KCNQ3: variants seen among roughly 807,000 people sequenced by gnomAD.
KCNQ3 encodes the protein potassium voltage-gated channel subfamily Q member 3.
KCNQ3 carries 30 observed loss-of-function variants against 92.5 expected under a neutral mutation model. The observed-to-expected ratio is 0.32, with a 90% CI of 0.24 to 0.44. KCNQ3 has a LOEUF of 0.44. Among genes scored for constraint, KCNQ3 ranks in the 20% least tolerant of loss-of-function variants. KCNQ3 has a pLI of 1.00. For missense variants in KCNQ3, 913 were observed against 1,140.3 expected, an observed-to-expected ratio of 0.80 and a Z score of 2.87; for synonymous variants, 450 against 468.8, an observed-to-expected ratio of 0.96 and a Z score of 0.52.
intron 8 of KCNQ3, among the ~76,000 whole-genome samples, chr8:132,169,900 C>A (rs1386050966): frequency 1.3e-5 from 2 of 151,926 alleles, no homozygotes; most frequent in Non-Finnish European, 2.9e-5. Flanking sequence ...AAGGGTCTCA[C>A]GCTCACTGTG....
At position 132,125,627 on chromosome 8, in the gene KCNQ3, C is replaced by T. The variant is rs1266853842; in HGVS notation, c.*3635G>A. ...TGATTTTGCCAAATTATGAGTAGGT[C>T]CTATTAGATTAGGTTTTTCTACAGG... On this transcript the variant is annotated 3_prime_UTR_variant, in exon 15 of 15. Transcript: ENST00000388996. 1.3e-5 allele frequency: 2 copies of T among 152,138 alleles called. No homozygotes were observed. Among genetic ancestry groups the T allele is most frequent in the Non-Finnish European group, 2.9e-5 (2 of 68,018 alleles). 9.4% of individuals were successfully genotyped at this position (152,138 alleles called of 1,614,324 possible).
chr8:132,211,952 C>CAA (rs200457183), intron 1 of KCNQ3, among the ~76,000 whole-genome samples: 1,801 of 62,482 alleles, frequency 0.029, 66 homozygotes, highest in African/African-American at 0.075. Context: ...GACTCCATCT[C>CAA]AAAAAAAAAA....
At chr8:132,291,696 A>C (rs1049729517) in intron 1 of KCNQ3, among the ~76,000 whole-genome samples, 2 of 152,210 alleles carry the variant, frequency 1.3e-5, no homozygotes, top group Admixed American at 1.3e-4. Flanking sequence ...ACACATAACC[A>C]GATGCAGAGA....
At chr8:132,183,290 A>G (rs1478396747) in intron 3 of KCNQ3, among the ~76,000 whole-genome samples, 2 of 152,150 alleles carry the variant, frequency 1.3e-5, no homozygotes, top group Admixed American at 6.5e-5. Context: ...GGGGAATAAC[A>G]TGTCTAGACT....
intron 1 of KCNQ3, among the ~76,000 whole-genome samples, chr8:132,253,538 T>C (rs1038487670): frequency 3.3e-5 from 5 of 152,224 alleles, no homozygotes; most frequent in African/African-American, 7.2e-5. Context: ...CTTAAGGCTA[T>C]GTGACTCCAG....
Position 132,132,254 on chromosome 8 carries a change from A to C in KCNQ3, c.1810T>G (p.Tyr604Asp), listed in dbSNP as rs1060500606. 1 of 1,612,136 alleles carries C rather than the reference A, an allele frequency of 6.2e-7. No homozygotes were observed. Among genetic ancestry groups the C allele is most frequent in the Non-Finnish European group, 8.5e-7 (1 of 1,178,348 alleles). Residue 604 changes from tyrosine (Y) to aspartate (D), a missense_variant, in exon 14 of 15, where the codon TAT becomes GAT. Coordinates refer to ENST00000388996, the MANE Select transcript of KCNQ3 (RefSeq NM_004519.4). Reference sequence around the variant, plus strand: ...TCTGATGTGGATGGTCTGGCTACATATGGTTCATTCCTAAGAAGAAGCGAA... The same window carrying C: ...TCTGATGTGGATGGTCTGGCTACATCTGGTTCATTCCTAAGAAGAAGCGAA... ...PSQQSPRNEP[Y>D]VARPSTSEIE...
intron 1 of KCNQ3, among the ~76,000 whole-genome samples, chr8:132,287,268 C>A (rs1816704712): frequency 6.6e-6 from 1 of 152,068 alleles, no homozygotes; most frequent in African/African-American, 2.4e-5. Context: ...CTTTAAGGGG[C>A]AGTGTAATTT....
intron 1 of KCNQ3, among the ~76,000 whole-genome samples, chr8:132,308,230 A>G (rs1817489246): frequency 6.6e-6 from 1 of 152,146 alleles, no homozygotes; most frequent in African/African-American, 2.4e-5. Context: ...CTCCTCCTCC[A>G]TGGGCTCCTG....
chr8:132,310,898 G>A (rs1270974801), intron 1 of KCNQ3, among the ~76,000 whole-genome samples: 8 of 151,652 alleles, frequency 5.3e-5, no homozygotes, highest in Non-Finnish European at 1.0e-4. Context: ...AGCAGCAGAT[G>A]TTCACTATAA....
intron 1 of KCNQ3, among the ~76,000 whole-genome samples, chr8:132,189,525 A>C (rs1026204900): frequency 3.9e-5 from 6 of 152,190 alleles, no homozygotes; most frequent in Non-Finnish European, 7.3e-5. Context: ...ACTACTTAGC[A>C]ATAAAAATTA....
At chr8:132,317,759 G>A (rs73360862) in intron 1 of KCNQ3, among the ~76,000 whole-genome samples, 3,829 of 152,188 alleles carry the variant, frequency 0.025, 168 homozygotes, top group African/African-American at 0.087. Context: ...GCTTTGCCCC[G>A]AACTCCTGCC....
intron 1 of KCNQ3, among the ~76,000 whole-genome samples, chr8:132,296,488 C>T (rs1289961116): frequency 1.3e-5 from 2 of 151,818 alleles, no homozygotes; most frequent in Non-Finnish European, 2.9e-5. Context: ...GTGCTGCACC[C>T]ATTAACTCGT....
At chr8:132,160,986 G>C (rs751329880) in intron 9 of KCNQ3, among the ~76,000 whole-genome samples, 1 of 151,878 alleles carries the variant, frequency 6.6e-6, no homozygotes, top group Non-Finnish European at 1.5e-5. Flanking sequence ...TCACTTTCAT[G>C]AGAATCAAAT....
Position 132,202,533 on chromosome 8 carries a change from C to T in KCNQ3, c.387-16352G>A, listed in dbSNP as rs1827494433. Among the ~76,000 whole-genome samples, 2 of 152,128 alleles carry T rather than the reference C, an allele frequency of 1.3e-5. 1 individual carries two copies. The highest frequency in any genetic ancestry group is 4.1e-4 in the South Asian group (2 of 4,830). On this transcript the variant is annotated intron_variant, in intron 1 of 14. Coordinates refer to ENST00000388996, the MANE Select transcript of KCNQ3 (RefSeq NM_004519.4). ...GAAGGCCAAAAGAAGCCACGCAGCACCTTGAGTGCTTTGCTGCTTAGCTAT... is the reference window on the plus strand; with the variant it reads ...GAAGGCCAAAAGAAGCCACGCAGCATCTTGAGTGCTTTGCTGCTTAGCTAT...
intron 1 of KCNQ3, among the ~76,000 whole-genome samples, chr8:132,439,554 G>T (rs1821481188): frequency 6.6e-6 from 1 of 152,136 alleles, no homozygotes; most frequent in Non-Finnish European, 1.5e-5. Flanking sequence ...ATGGTAATCA[G>T]CTGACCCTAA....
At chr8:132,247,510 GGTGCAGT>G (rs1330943146) in intron 1 of KCNQ3, among the ~76,000 whole-genome samples, 1 of 152,048 alleles carries the variant, frequency 6.6e-6, no homozygotes, top group Non-Finnish European at 1.5e-5. Flanking sequence ...AATATGGCCG[GGTGCAGT>G]GGCTCACGCC....
At chr8:132,320,561 A>G (rs949543713) in intron 1 of KCNQ3, among the ~76,000 whole-genome samples, 2 of 152,156 alleles carry the variant, frequency 1.3e-5, no homozygotes, top group African/African-American at 4.8e-5. Context: ...TTTGTAATTC[A>G]GGTAATTCTT....
At chr8:132,359,828 A>C (rs1819117693) in intron 1 of KCNQ3, among the ~76,000 whole-genome samples, 1 of 152,176 alleles carries the variant, frequency 6.6e-6, no homozygotes, top group Non-Finnish European at 1.5e-5. Context: ...TCCCTTTCCC[A>C]GGAAGCCCAG....
intron 9 of KCNQ3, among the ~76,000 whole-genome samples, chr8:132,157,000 A>G (rs1473776408): frequency 6.6e-6 from 1 of 152,304 alleles, no homozygotes; most frequent in East Asian, 1.9e-4. Context: ...AAGAGGCAAG[A>G]AAGGACTCTG....
Sources: allele counts gnomAD v4.1 joint callset (sites outside exome capture counted in the v4.1 genomes callset), GRCh38; gene constraint gnomAD v4.1.1; transcripts MANE v1.5; gene names NCBI Gene and HGNC (gene_info 2026-07-23, HGNC 2026-07-21).